The following DOCK1 variants were observed in gnomAD, a reference collection of about 807,000 sequenced individuals.
DOCK1 encodes dedicator of cytokinesis protein 1.
In DOCK1, 138 loss-of-function variants were observed where a neutral mutation model predicts 262.7. The ratio of observed to expected loss-of-function variants is 0.53; its 90% CI spans 0.46 to 0.61. The LOEUF is 0.61. Ranked by LOEUF, DOCK1 falls within the 20% of genes least tolerant of loss-of-function variation. The pLI, the probability that DOCK1 is intolerant of heterozygous loss-of-function variation, is 0.00. For synonymous variants in DOCK1, 866 were observed against 867.4 expected (o/e 1.00, Z 0.03); for missense variants, 1,908 against 2,370.7 (o/e 0.80, Z 4.05).
chr10:127,218,604 C>T lies in DOCK1; in HGVS notation c.2848-29404C>T, dbSNP rs1199538315. On this transcript the variant is annotated intron_variant, in intron 27 of 51. Coordinates refer to ENST00000623213, the MANE Select transcript of DOCK1 (RefSeq NM_001290223.2). ...GTGCTGAAATGAAGCAGTGGTTTTT[C>T]AAAGCTCACACATGACCGTATGGAC... Among the ~76,000 whole-genome samples the T allele has an allele frequency of 2.6e-5, 4 of 152,280 alleles. No individual in the cohort carries two copies. In the East Asian group the frequency reaches 7.7e-4, roughly 29 times the overall value.
At chr10:127,098,994 G>A (rs899825004) in intron 23 of DOCK1, among the ~76,000 whole-genome samples, 31 of 152,314 alleles carry the variant, frequency 2.0e-4, no homozygotes, top group Admixed American at 5.2e-4. Context: ...CAAGCTAGGT[G>A]TGGCTCTTAC....
At chr10:127,449,885 C>T (rs2070842440) in intron 51 of DOCK1, among the ~76,000 whole-genome samples, 1 of 152,106 alleles carries the variant, frequency 6.6e-6, no homozygotes, top group Admixed American at 6.5e-5. Flanking sequence ...CTGAGTTTAT[C>T]ACCATTAATC....
intron 27 of DOCK1, among the ~76,000 whole-genome samples, chr10:127,227,709 A>G (rs2058695355): frequency 1.3e-5 from 2 of 152,352 alleles, no homozygotes; most frequent in African/African-American, 4.8e-5. Context: ...AGGGATGTGC[A>G]ACTTTTCCCT....
intron 27 of DOCK1, among the ~76,000 whole-genome samples, chr10:127,206,136 CTTTTT>C (rs34450374): frequency 7.6e-5 from 6 of 78,658 alleles, no homozygotes; most frequent in African/African-American, 2.5e-4. Flanking sequence ...TTCTTCTTCT[CTTTTT>C]TTTTTTTTTT....
At chr10:126,905,655 G>T in intron 1 of DOCK1, 92 bp downstream of exon 1, 1 of 180,898 alleles carries the variant, frequency 5.5e-6, no homozygotes, top group Middle Eastern at 2.2e-3. Context: ...CGCCCCGAGC[G>T]GCCGCCGGGC....
At chr10:127,306,914 G>A (rs1287722633) in intron 29 of DOCK1, among the ~76,000 whole-genome samples, 1 of 152,182 alleles carries the variant, frequency 6.6e-6, no homozygotes, top group African/African-American at 2.4e-5. Flanking sequence ...CATGTATTAT[G>A]TGCAAAGTGT....
At chr10:127,268,788 G>T (rs933490793) in intron 29 of DOCK1, among the ~76,000 whole-genome samples, 1 of 152,104 alleles carries the variant, frequency 6.6e-6, no homozygotes, top group African/African-American at 2.4e-5. Context: ...TTGATTTGGG[G>T]TGGTGTTTGG....
chr10:127,181,044 C>A (rs1480643749), intron 27 of DOCK1, among the ~76,000 whole-genome samples: 1 of 152,086 alleles, frequency 6.6e-6, no homozygotes, highest in Non-Finnish European at 1.5e-5. Context: ...GGCATAACCA[C>A]TAGTATCAGA....
chr10:127,013,115 TC>T (rs2041597065), intron 12 of DOCK1, among the ~76,000 whole-genome samples: 1 of 152,226 alleles, frequency 6.6e-6, no homozygotes, highest in Non-Finnish European at 1.5e-5. Context: ...TTTCCACTGT[TC>T]TAAAGGAGAA....
chr10:127,182,518 A>T (rs2055834484), intron 27 of DOCK1, among the ~76,000 whole-genome samples: 1 of 152,140 alleles, frequency 6.6e-6, no homozygotes, highest in African/African-American at 2.4e-5. Context: ...TTTGATTTTC[A>T]GCTTATGTTG....
intron 27 of DOCK1, chr10:127,154,047 A>T: frequency 1.4e-6 from 1 of 692,730 alleles, no homozygotes. Context: ...AAATTGATTA[A>T]TGCATGCTTC....
At chr10:127,093,154 C>G (rs1297197363) in intron 23 of DOCK1, among the ~76,000 whole-genome samples, 1 of 151,782 alleles carries the variant, frequency 6.6e-6, no homozygotes, top group East Asian at 1.9e-4. Context: ...CTGCCTCTGC[C>G]TTCCTGTGGT....
chr10:127,071,828 A>G (rs577458629), intron 23 of DOCK1, among the ~76,000 whole-genome samples: 184 of 152,254 alleles, frequency 1.2e-3, no homozygotes, highest in African/African-American at 4.1e-3. Context: ...CTTTAATTTT[A>G]TGATCCATTT....
intron 47 of DOCK1, among the ~76,000 whole-genome samples, chr10:127,432,878 G>A (rs1565088660): frequency 6.6e-6 from 1 of 152,122 alleles, no homozygotes; most frequent in African/African-American, 2.4e-5. Context: ...TTGATGGCCC[G>A]TGTAGTCTGT....
chr10:127,061,802 G>T (rs1232860122), intron 23 of DOCK1, 26 bp downstream of exon 23: 2 of 1,529,712 alleles, frequency 1.3e-6, no homozygotes, highest in East Asian at 4.9e-5. Context: ...TGCCAAGGCA[G>T]ACTTCTCCTT....
At chr10:127,356,353 G>T (rs1173758205) in intron 32 of DOCK1, among the ~76,000 whole-genome samples, 1 of 152,212 alleles carries the variant, frequency 6.6e-6, no homozygotes, top group Non-Finnish European at 1.5e-5. Context: ...TGGGCCGTTA[G>T]ATAAAGTGGT....
chr10:127,103,668 C>G (rs1460303034), intron 23 of DOCK1, among the ~76,000 whole-genome samples: 2 of 152,162 alleles, frequency 1.3e-5, no homozygotes, highest in Non-Finnish European at 2.9e-5. Flanking sequence ...TGCTGCGTGA[C>G]TTTGGATTAC....
chr10:127,304,277 C>A (rs995681719), intron 29 of DOCK1, among the ~76,000 whole-genome samples: 1 of 152,146 alleles, frequency 6.6e-6, no homozygotes, highest in Non-Finnish European at 1.5e-5. Context: ...AGGAGTGTTA[C>A]CCTAGCCGCT....
chr10:126,925,809 G>A (rs764181648), intron 1 of DOCK1, among the ~76,000 whole-genome samples: 3 of 150,424 alleles, frequency 2.0e-5, no homozygotes, highest in Non-Finnish European at 4.4e-5. Context: ...TACAACTCCA[G>A]GCTATAGCTG....
Sources: allele counts gnomAD v4.1 joint callset (sites outside exome capture counted in the v4.1 genomes callset), GRCh38; gene constraint gnomAD v4.1.1; transcripts MANE v1.5; gene names NCBI Gene and HGNC (gene_info 2026-07-23, HGNC 2026-07-21).